C3orf20: variants seen among roughly 807,000 people sequenced by gnomAD.
C3orf20 encodes family with sequence similarity 149 member C.
A neutral mutation model predicts 88.3 loss-of-function variants in C3orf20; 76 were observed. The observed-to-expected ratio is 0.86, with a 90% CI of 0.72 to 1.04. The LOEUF is 1.04. Ranked by LOEUF, C3orf20 falls within the 50% of genes least tolerant of loss-of-function variation. The pLI is 0.00. For synonymous variants in C3orf20, 436 were observed against 437.4 expected, an observed-to-expected ratio of 1.00 and a Z score of 0.04; for missense variants, 1,056 against 1,123.3, an observed-to-expected ratio of 0.94 and a Z score of 0.86.
chr3:14,685,227 GCTGTGGGAGGATATTA>G (rs1262582959), intron 4 of C3orf20, among the ~76,000 whole-genome samples: 2 of 152,116 alleles, frequency 1.3e-5, no homozygotes, highest in Non-Finnish European at 2.9e-5. Context: ...AAAAGAGGAA[GCTGTGGGAGGATATTA>G]CTTTTCAAAG....
At chr3:14,707,897 A>G (rs1273632212) in intron 7 of C3orf20, among the ~76,000 whole-genome samples, 2 of 136,964 alleles carry the variant, frequency 1.5e-5, no homozygotes, top group East Asian at 4.3e-4. Context: ...TCAGCTCACC[A>G]CAACCTCTGC....
At chr3:14,718,479 T>G (rs2034021405) in intron 9 of C3orf20, among the ~76,000 whole-genome samples, 1 of 152,240 alleles carries the variant, frequency 6.6e-6, no homozygotes, top group South Asian at 2.1e-4. Flanking sequence ...CTAGTGTAGT[T>G]AAATTAGTGT....
chr3:14,761,707 A>G, intron 15 of C3orf20, 92 bp downstream of exon 15: 2 of 955,000 alleles, frequency 2.1e-6, no homozygotes, highest in Non-Finnish European at 3.0e-6. Context: ...AACTGAGGGG[A>G]GCAGGCGGGG....
chr3:14,761,418 G>A, intron 14 of C3orf20, 55 bp from the exon 15 acceptor site: 1 of 1,607,012 alleles, frequency 6.2e-7, no homozygotes, highest in Non-Finnish European at 8.5e-7. Context: ...CTTATCAGTG[G>A]ACACTGCTGT....
At chr3:14,683,311 T>C in intron 3 of C3orf20, 114 bp downstream of exon 3, 1 of 1,328,906 alleles carries the variant, frequency 7.5e-7, no homozygotes, top group Non-Finnish European at 1.0e-6. Flanking sequence ...ATTGGATGCC[T>C]TCCCTCTGCG....
rs1165072834 is a variant in C3orf20, at chr3:14,744,720, A to C, written c.1941-12651A>C. On this transcript the variant is annotated intron_variant, in intron 12 of 16. Transcript: ENST00000253697. Reference sequence around the variant, plus strand: ...TTCTTACATGGCGACGACAAGAGAAAATGAGGAAGAAGCAAAAGCAGAAAC... The same window carrying C: ...TTCTTACATGGCGACGACAAGAGAACATGAGGAAGAAGCAAAAGCAGAAAC... Among the ~76,000 whole-genome samples the C allele has an allele frequency of 1.3e-5, 2 of 151,962 alleles. 1 individual carries two copies. Among genetic ancestry groups the C allele is most frequent in the African/African-American group, 4.9e-5 (2 of 41,226 alleles).
At chr3:14,769,513 C>A (rs1392263910) in intron 15 of C3orf20, among the ~76,000 whole-genome samples, 1 of 152,100 alleles carries the variant, frequency 6.6e-6, no homozygotes, top group Non-Finnish European at 1.5e-5. Flanking sequence ...CCCTTGCCCA[C>A]CTCAGAAGAG....
At position 14,726,891 on chromosome 3, in the gene C3orf20, C is replaced by A. The variant is rs756785730; in HGVS notation, c.1567-10C>A. On this transcript the variant is annotated splice_polypyrimidine_tract_variant and intron_variant, in intron 10 of 16. Coordinates refer to ENST00000253697, the MANE Select transcript of C3orf20 (RefSeq NM_032137.5). The stretch of plus-strand genomic sequence containing the variant: ...TGGTGACACCCGCCCTCCCCTTTGC[C>A]CCTCTCCAGCTGAACCGCAGAATCA... The A allele has an allele frequency of 6.2e-7, 1 of 1,613,914 alleles. No homozygotes were observed. The highest frequency in any genetic ancestry group is 1.1e-5 in the South Asian group (1 of 91,062).
At chr3:14,721,821 C>G in intron 10 of C3orf20, 37 bp downstream of exon 10, 2 of 1,610,410 alleles carry the variant, frequency 1.2e-6, no homozygotes, top group Non-Finnish European at 1.7e-6. Flanking sequence ...GCCCTGACCC[C>G]TGGGCATCTC....
chr3:14,762,601 A>T (rs2035593692), intron 15 of C3orf20, among the ~76,000 whole-genome samples: 1 of 152,200 alleles, frequency 6.6e-6, no homozygotes, highest in Non-Finnish European at 1.5e-5. Context: ...CTTCAAAATG[A>T]GGAAATAATG....
chr3:14,722,556 T>C (rs1337559146), intron 10 of C3orf20: 1 of 456,716 alleles, frequency 2.2e-6, no homozygotes, highest in East Asian at 6.9e-5. Flanking sequence ...TACCACCCTC[T>C]TCTCATCCCA....
At chr3:14,689,875 A>G (rs1054458792) in intron 4 of C3orf20, 122 bp from the exon 5 acceptor site, 1 of 1,294,370 alleles carries the variant, frequency 7.7e-7, no homozygotes, top group African/African-American at 1.5e-5. Flanking sequence ...TTTTGTAACA[A>G]TGCGGCACTT....
chr3:14,761,399 C>G, intron 14 of C3orf20, 74 bp from the exon 15 acceptor site: 1 of 1,568,954 alleles, frequency 6.4e-7, no homozygotes, highest in Non-Finnish European at 8.8e-7. Context: ...AAATTCCAAA[C>G]TTGCCTGTCT....
At chr3:14,685,493 C>CAT (rs1559395224) in intron 4 of C3orf20, among the ~76,000 whole-genome samples, 1 of 130,476 alleles carries the variant, frequency 7.7e-6, no homozygotes, top group Admixed American at 7.5e-5. Context: ...TGCGTGCGTG[C>CAT]GTGTGTGTGT....
chr3:14,685,453 T>C (rs2032346550), intron 4 of C3orf20, among the ~76,000 whole-genome samples: 1 of 104,456 alleles, frequency 9.6e-6, no homozygotes, highest in African/African-American at 4.0e-5. Flanking sequence ...TCTCTCTCTC[T>C]CTCTGTTTCT....
intron 4 of C3orf20, among the ~76,000 whole-genome samples, chr3:14,688,594 CTG>C (rs1264978752): frequency 6.6e-6 from 1 of 151,720 alleles, no homozygotes; most frequent in African/African-American, 2.4e-5. Context: ...AGAATATCCC[CTG>C]TGCTAAGTAG....
chr3:14,675,866 T>G (rs2031738468), intron 1 of C3orf20, among the ~76,000 whole-genome samples: 1 of 152,058 alleles, frequency 6.6e-6, no homozygotes, highest in Non-Finnish European at 1.5e-5. Flanking sequence ...AATTTTTGTA[T>G]TTTTAGTAGA....
At chr3:14,759,288 G>A (rs956957189) in intron 13 of C3orf20, among the ~76,000 whole-genome samples, 19 of 152,192 alleles carry the variant, frequency 1.2e-4, no homozygotes, top group Non-Finnish European at 1.5e-5. Context: ...TGGAAATAAG[G>A]CAGATAAAAT....
At chr3:14,718,645 G>T (rs550796860) in intron 9 of C3orf20, among the ~76,000 whole-genome samples, 45 of 152,312 alleles carry the variant, frequency 3.0e-4, no homozygotes, top group African/African-American at 1.1e-3. Flanking sequence ...AATGTTATTT[G>T]GTGGAGTGTC....
Sources: allele counts gnomAD v4.1 joint callset (sites outside exome capture counted in the v4.1 genomes callset), GRCh38; gene constraint gnomAD v4.1.1; transcripts MANE v1.5; gene names NCBI Gene and HGNC (gene_info 2026-07-23, HGNC 2026-07-21).